Variants in EEF1E1 observed in about 807,000 individuals in gnomAD.
The protein encoded by EEF1E1 is eukaryotic translation elongation factor 1 epsilon 1.
In EEF1E1, 19 loss-of-function variants were observed where a neutral mutation model predicts 19.9. The ratio of observed to expected loss-of-function variants is 0.95; its 90% confidence interval spans 0.66 to 1.40. The LOEUF is 1.40. Among genes scored for constraint, EEF1E1 ranks in the 40% most tolerant of loss-of-function variants. The pLI, the probability that EEF1E1 is intolerant of heterozygous loss-of-function variation, is 0.00. For missense variants in EEF1E1, 198 were observed against 202.2 expected, an observed-to-expected ratio of 0.98 and a Z score of 0.13; for synonymous variants, 81 against 80.0, an observed-to-expected ratio of 1.01 and a Z score of -0.07.
intron 3 of EEF1E1, among the ~76,000 whole-genome samples, chr6:8,084,534 A>C (rs950317414): frequency 7.2e-5 from 11 of 152,180 alleles, no homozygotes; most frequent in African/African-American, 2.7e-4. Flanking sequence ...TTTATTTTTA[A>C]TTAGATGTAG....
downstream of EEF1E1, among the ~76,000 whole-genome samples, chr6:8,078,068 C>T (rs138107337): frequency 1.3e-5 from 2 of 152,320 alleles, no homozygotes; most frequent in Non-Finnish European, 2.9e-5. Context: ...TGAGCCACCA[C>T]ACCCAGCCAG....
At chr6:8,090,414 C>T (rs959221054) in intron 2 of EEF1E1, 133 bp from the exon 3 acceptor site, 1 of 650,658 alleles carries the variant, frequency 1.5e-6, no homozygotes, top group Admixed American at 4.4e-5. Context: ...TACTCTTTGA[C>T]ATTAATATTC....
At chr6:8,091,760 T>C (rs1758016594) in intron 2 of EEF1E1, among the ~76,000 whole-genome samples, 1 of 152,204 alleles carries the variant, frequency 6.6e-6, no homozygotes, top group South Asian at 2.1e-4. Flanking sequence ...TGAACTATTA[T>C]TAAATATTCT....
intron 1 of EEF1E1, among the ~76,000 whole-genome samples, chr6:8,099,365 A>G (rs1299912162): frequency 6.6e-6 from 1 of 152,228 alleles, no homozygotes; most frequent in Non-Finnish European, 1.5e-5. Context: ...CAGTACAGTA[A>G]CATGCGGTAC....
chr6:8,094,165 T>TA (rs995578541), intron 2 of EEF1E1, among the ~76,000 whole-genome samples: 11 of 152,138 alleles, frequency 7.2e-5, no homozygotes, highest in African/African-American at 2.7e-4. Flanking sequence ...GAGAAAGAGG[T>TA]AATACCATGT....
chr6:8,084,595 G>A (rs1202834167), intron 3 of EEF1E1, among the ~76,000 whole-genome samples: 1 of 152,184 alleles, frequency 6.6e-6, no homozygotes, highest in African/African-American at 2.4e-5. Flanking sequence ...GCAAGATCTT[G>A]TGGGTCTGAA....
intron 3 of EEF1E1, among the ~76,000 whole-genome samples, chr6:8,086,013 T>G (rs1249038009): frequency 6.6e-6 from 1 of 152,174 alleles, no homozygotes; most frequent in African/African-American, 2.4e-5. Flanking sequence ...CAGTGGGCTC[T>G]CAATAAATCA....
intron 3 of EEF1E1, among the ~76,000 whole-genome samples, chr6:8,086,282 G>A (rs1005049801): frequency 3.3e-5 from 5 of 152,074 alleles, no homozygotes; most frequent in Admixed American, 6.5e-5. Context: ...AGTTCTGGAG[G>A]GAACTGCATT....
chr6:8,078,539 C>T (rs114165363), downstream of EEF1E1: 2,356 of 663,800 alleles, frequency 3.5e-3, 50 homozygotes, highest in African/African-American at 0.04. Context: ...CACAAGCCGA[C>T]GGAAAAATGG....
At chr6:8,087,438 G>A (rs1018810931) in intron 3 of EEF1E1, among the ~76,000 whole-genome samples, 5 of 151,520 alleles carry the variant, frequency 3.3e-5, no homozygotes, top group East Asian at 1.9e-4. Flanking sequence ...GGCTGGTCTC[G>A]AACTCCTGAC....
chr6:8,097,643 A>G (rs899617863), intron 1 of EEF1E1, among the ~76,000 whole-genome samples, 176 bp from the exon 2 acceptor site: 6 of 152,212 alleles, frequency 3.9e-5, no homozygotes, highest in African/African-American at 1.4e-4. Context: ...ATAATTTACA[A>G]TTTGTTAACA....
Position 8,080,048 on chromosome 6 carries a change from A to G in EEF1E1, c.385-18T>C. ...AGGTCAACCTAAGTAGAGATTAAAA[A>G]CATACACACACAACACAGATGTTAC... On this transcript the variant is annotated intron_variant, in intron 3 of 3. Transcript: ENST00000379715. The G allele has an allele frequency of 6.2e-7, 1 of 1,611,998 alleles. No homozygotes were observed. The highest frequency in any genetic ancestry group is 1.1e-5 in the South Asian group (1 of 91,026).
chr6:8,101,985 T>G, intron 1 of EEF1E1: 1 of 1,244,230 alleles, frequency 8.0e-7, no homozygotes, highest in Non-Finnish European at 1.0e-6. Flanking sequence ...CATGTTCCCC[T>G]AAATCATCAT....
chr6:8,089,464 G>T (rs979054217), intron 3 of EEF1E1, among the ~76,000 whole-genome samples: 4 of 152,180 alleles, frequency 2.6e-5, no homozygotes, highest in African/African-American at 9.7e-5. Context: ...TGAAGAACTT[G>T]GGAGTCTGAT....
intron 1 of EEF1E1, chr6:8,101,723 A>G (rs45577531): frequency 6.4e-4 from 817 of 1,285,576 alleles, no homozygotes; most frequent in Non-Finnish European, 7.7e-4. Flanking sequence ...ACAACTATAA[A>G]ACACAAACGT....
rs1316259432 is a variant in EEF1E1 at position 8,090,947 on chromosome 6, A to G, written c.289-666T>C. 2.0e-5 allele frequency among the ~76,000 whole-genome samples: 3 copies of G among 152,202 alleles called. No individual in the cohort carries two copies. The East Asian group carries it at 5.8e-4, about 29-fold the overall frequency. On this transcript the variant is annotated intron_variant, in intron 2 of 3. Transcript: ENST00000379715. ...TATCGATTCCTGTGTCTATAGACAT[A>G]GTTGTTTCCACTTCTTGGCTACTGT...
At chr6:8,102,332 T>C in intron 1 of EEF1E1, 103 bp downstream of exon 1, 2 of 1,206,970 alleles carry the variant, frequency 1.7e-6, no homozygotes, top group South Asian at 1.4e-5. Context: ...GGTAGCAGCA[T>C]CCTCACTCCG....
chr6:8,102,392 C>A, intron 1 of EEF1E1, 43 bp downstream of exon 1: 1 of 1,586,068 alleles, frequency 6.3e-7, no homozygotes. Flanking sequence ...GCAGGCCCCG[C>A]TCCCGTCCAC....
At chr6:8,076,570 G>T (rs1053729291), downstream of EEF1E1, among the ~76,000 whole-genome samples, 1 of 152,010 alleles carries the variant, frequency 6.6e-6, no homozygotes, top group Non-Finnish European at 1.5e-5. Flanking sequence ...TGATCTGCCC[G>T]CCTCGGCCTC....
Sources: allele counts gnomAD v4.1 joint callset (sites outside exome capture counted in the v4.1 genomes callset), GRCh38; gene constraint gnomAD v4.1.1; transcripts MANE v1.5; gene names NCBI Gene and HGNC (gene_info 2026-07-23, HGNC 2026-07-21).